Variants in GSK3B observed in about 807,000 individuals in gnomAD.
GSK3B encodes glycogen synthase kinase 3 beta, also known as glycogen synthase kinase-3 beta.
Under a neutral mutation model 56.4 loss-of-function variants are expected in GSK3B, and 15 were observed. The ratio of observed to expected loss-of-function variants is 0.27; its 90% CI spans 0.18 to 0.41. The LOEUF is 0.41. Ranked by LOEUF, GSK3B falls within the 10% of genes least tolerant of loss-of-function variation. The pLI is 1.00. For missense variants in GSK3B, 300 were observed against 513.4 expected, an observed-to-expected ratio of 0.58 and a Z score of 4.02; for synonymous variants, 181 against 188.9, an observed-to-expected ratio of 0.96 and a Z score of 0.34.
intron 2 of GSK3B, among the ~76,000 whole-genome samples, chr3:119,965,042 T>C (rs1171872986): frequency 6.0e-5 from 9 of 148,952 alleles, no homozygotes; most frequent in South Asian, 2.1e-4. Flanking sequence ...TGTTTTCTTT[T>C]TTTTTTTTTT....
chr3:119,954,416 A>G (rs1414926472), intron 2 of GSK3B, among the ~76,000 whole-genome samples: 2 of 102,574 alleles, frequency 1.9e-5, no homozygotes, highest in East Asian at 6.0e-4. Flanking sequence ...TTTTTTCATG[A>G]AACTTGTTAA....
chr3:119,835,039 G>A (rs988098890), intron 10 of GSK3B, among the ~76,000 whole-genome samples: 3 of 152,182 alleles, frequency 2.0e-5, no homozygotes, highest in Non-Finnish European at 4.4e-5. Context: ...GTTCAAAATG[G>A]AAGTCTGTAT....
intron 2 of GSK3B, among the ~76,000 whole-genome samples, chr3:119,981,198 A>G (rs2057457509): frequency 6.6e-6 from 1 of 152,212 alleles, no homozygotes; most frequent in African/African-American, 2.4e-5. Flanking sequence ...GTTTTCAACA[A>G]AAGTAAAGTT....
chr3:119,839,269 CT>C (rs2055736934), intron 10 of GSK3B, among the ~76,000 whole-genome samples: 4 of 152,276 alleles, frequency 2.6e-5, no homozygotes, highest in South Asian at 2.1e-4. Context: ...CATTTAACAG[CT>C]TTGGCTAACA....
intron 1 of GSK3B, among the ~76,000 whole-genome samples, chr3:120,071,364 A>G (rs561423176): frequency 3.3e-5 from 5 of 152,300 alleles, no homozygotes; most frequent in Admixed American, 1.3e-4. Flanking sequence ...TAAACGCTAT[A>G]TATCAGGGGT....
At chr3:119,888,305 T>C (rs2056463200) in intron 7 of GSK3B, among the ~76,000 whole-genome samples, 1 of 152,162 alleles carries the variant, frequency 6.6e-6, no homozygotes, top group East Asian at 1.9e-4. Context: ...GGAACATAAA[T>C]TGTGAAGATT....
chr3:120,021,184 A>G (rs182617881), intron 1 of GSK3B, among the ~76,000 whole-genome samples: 28 of 152,258 alleles, frequency 1.8e-4, no homozygotes, highest in African/African-American at 6.0e-4. Context: ...AGATAACTAC[A>G]CTAAACAACT....
At chr3:119,947,012 G>C (rs184263371) in intron 3 of GSK3B, among the ~76,000 whole-genome samples, 1 of 151,602 alleles carries the variant, frequency 6.6e-6, no homozygotes, top group Non-Finnish European at 1.5e-5. Flanking sequence ...AAAGTATATA[G>C]ATTTTCTTGA....
chr3:119,929,364 G>T (rs933516361), intron 3 of GSK3B, among the ~76,000 whole-genome samples: 3 of 152,128 alleles, frequency 2.0e-5, no homozygotes, highest in Admixed American at 6.5e-5. Flanking sequence ...TGATTTTAAT[G>T]ATCCATTTTA....
chr3:119,892,542 T>C (rs2056514761), intron 7 of GSK3B, among the ~76,000 whole-genome samples: 1 of 152,158 alleles, frequency 6.6e-6, no homozygotes, highest in Non-Finnish European at 1.5e-5. Context: ...AATACTGGGC[T>C]TGCCCTATTG....
chr3:119,936,085 A>G (rs1399504206), intron 3 of GSK3B, among the ~76,000 whole-genome samples: 1 of 151,982 alleles, frequency 6.6e-6, no homozygotes, highest in African/African-American at 2.4e-5. Context: ...TCCTCAACTG[A>G]TAACACTATA....
At chr3:119,990,514 A>G (rs1471357366) in intron 2 of GSK3B, among the ~76,000 whole-genome samples, 3 of 152,242 alleles carry the variant, frequency 2.0e-5, no homozygotes, top group African/African-American at 7.2e-5. Flanking sequence ...ATTATTAAGT[A>G]AGACCAAAAT....
chr3:119,949,538 A>AG (rs2057133623), intron 2 of GSK3B, among the ~76,000 whole-genome samples: 1 of 152,146 alleles, frequency 6.6e-6, no homozygotes, highest in East Asian at 1.9e-4. Flanking sequence ...GAAAGGTGGG[A>AG]GTTAAGTTCA....
At chr3:119,957,185 T>C (rs1576228315) in intron 2 of GSK3B, among the ~76,000 whole-genome samples, 1 of 152,322 alleles carries the variant, frequency 6.6e-6, no homozygotes, top group East Asian at 1.9e-4. Context: ...ATATTTTCCT[T>C]TTACATAACT....
intron 1 of GSK3B, among the ~76,000 whole-genome samples, chr3:120,093,039 C>G (rs1449516334): frequency 6.6e-6 from 1 of 152,220 alleles, no homozygotes; most frequent in African/African-American, 2.4e-5. Context: ...GTCATCACTA[C>G]TTTAACGTGG....
chr3:120,066,030 G>C (rs1032171684), intron 1 of GSK3B, among the ~76,000 whole-genome samples: 1 of 152,140 alleles, frequency 6.6e-6, no homozygotes, highest in Non-Finnish European at 1.5e-5. Context: ...ATTGGTAATA[G>C]ATGCACAACG....
At chr3:119,955,992 T>C (rs188821948) in intron 2 of GSK3B, among the ~76,000 whole-genome samples, 97 of 151,914 alleles carry the variant, frequency 6.4e-4, no homozygotes, top group Non-Finnish European at 1.2e-3. Context: ...TTTAGGAAGA[T>C]TGCTATGAAA....
intron 2 of GSK3B, among the ~76,000 whole-genome samples, chr3:119,957,992 G>A (rs1003412174): frequency 5.9e-5 from 9 of 152,042 alleles, no homozygotes; most frequent in South Asian, 2.1e-4. Flanking sequence ...ATCTCATCTC[G>A]AACTGTAATC....
At chr3:119,983,405 A>G (rs990909728) in intron 2 of GSK3B, among the ~76,000 whole-genome samples, 4 of 152,186 alleles carry the variant, frequency 2.6e-5, no homozygotes, top group Non-Finnish European at 2.9e-5. Context: ...AAAGACACAG[A>G]TTGGCAAATT....
Sources: gnomAD v4.1 joint callset for allele counts (sites outside exome capture counted in the v4.1 genomes callset) on GRCh38, gnomAD v4.1.1 for gene constraint, MANE v1.5 for transcripts, NCBI Gene and HGNC (gene_info 2026-07-23, HGNC 2026-07-21) for gene names.